ZNF174: variants seen among roughly 807,000 people sequenced by gnomAD.
ZNF174 encodes AW-1.
Under a neutral mutation model 38.7 loss-of-function variants are expected in ZNF174, and 30 were observed. That is an observed-to-expected ratio of 0.78 (90% CI 0.58 to 1.05). The LOEUF is 1.05. ZNF174 is among the 50% of genes least tolerant of loss of function. The pLI, the probability that ZNF174 is intolerant of heterozygous loss-of-function variation, is 0.00. For synonymous variants in ZNF174, 201 were observed against 181.7 expected (o/e 1.11, Z -0.86); for missense variants, 499 against 495.6 (o/e 1.01, Z -0.06).
intron 1 of ZNF174, among the ~76,000 whole-genome samples, chr16:3,403,434 G>A (rs1420055988): frequency 2.0e-5 from 3 of 151,138 alleles, no homozygotes; most frequent in African/African-American, 7.3e-5. Context: ...GCCTCTCAAA[G>A]TGCTGGGATT....
At chr16:3,403,164 T>TA (rs2033988482) in intron 1 of ZNF174, among the ~76,000 whole-genome samples, 1 of 104,996 alleles carries the variant, frequency 9.5e-6, no homozygotes, top group Admixed American at 9.7e-5. Flanking sequence ...TTTTTTTTTT[T>TA]TTTTTTTTTT....
In ZNF174 at chr16:3,401,908, T is replaced by A. The variant is rs575529920; in HGVS notation, c.-97T>A. 119 of 1,460,492 alleles carry A rather than the reference T, an allele frequency of 8.1e-5. No individual in the cohort carries two copies. In the South Asian group the frequency reaches 1.3e-3, roughly 16 times the overall value. 90.5% of individuals were successfully genotyped at this position (1,460,492 alleles called of 1,614,324 possible). On this transcript the variant is annotated 5_prime_UTR_variant, in exon 1 of 3. Coordinates refer to ENST00000268655, the MANE Select transcript of ZNF174 (RefSeq NM_003450.3). ...CCCTAACATCCTCAGAGAACCTTCG[T>A]TTCTAGAATCTTTCTAGTATTCAGA...
chr16:3,402,820 TG>T (rs879841286), intron 1 of ZNF174, among the ~76,000 whole-genome samples: 2 of 152,148 alleles, frequency 1.3e-5, no homozygotes, highest in Admixed American at 1.3e-4. Context: ...GTCTCAGAAG[TG>T]GACTGGATGG....
At chr16:3,402,944 C>A (rs868172219) in intron 1 of ZNF174, among the ~76,000 whole-genome samples, 1 of 152,088 alleles carries the variant, frequency 6.6e-6, no homozygotes, top group Admixed American at 6.5e-5. Context: ...AAGGTTCTTA[C>A]CATTCCTTTA....
At chr16:3,403,851 C>G (rs2150923317) in intron 1 of ZNF174, among the ~76,000 whole-genome samples, 1 of 152,314 alleles carries the variant, frequency 6.6e-6, no homozygotes, top group South Asian at 2.1e-4. Flanking sequence ...TTGCTTGCCA[C>G]TCCCCGCCCC....
At chr16:3,404,869 G>T (rs2034030762) in intron 2 of ZNF174, 2 of 1,605,942 alleles carry the variant, frequency 1.2e-6, no homozygotes, top group Admixed American at 3.5e-5. Flanking sequence ...TAAGAATCCA[G>T]TGCATGACAG....
chr16:3,409,210 T>G lies in ZNF174; in HGVS notation c.*291T>G. ...GAGAGAATCAGGACAATCCTGCAGGTGGCCCGCTTACTGTTAAATCGTCCC... is the reference window on the plus strand; with the variant it reads ...GAGAGAATCAGGACAATCCTGCAGGGGGCCCGCTTACTGTTAAATCGTCCC... On this transcript the variant is annotated 3_prime_UTR_variant, in exon 3 of 3. Coordinates refer to ENST00000268655, the MANE Select transcript of ZNF174 (RefSeq NM_003450.3). 2.7e-6 allele frequency: 1 copy of G among 370,222 alleles called. No individual in the cohort carries two copies. 22.9% of individuals were successfully genotyped at this position (370,222 alleles called of 1,614,324 possible).
Position 3,402,199 on chromosome 16 carries a change from C to A in ZNF174, c.195C>A (p.Ser65=). 1.2e-6 allele frequency: 2 copies of A among 1,612,882 alleles called. No homozygotes were observed. The highest frequency in any genetic ancestry group is 8.5e-7 in the Non-Finnish European group (1 of 1,178,962). ...TGTCTGGACCCCAAGAGGCTCTCTCCCAGCTCCGACAGCTCTGCCGTCAGT... is the reference window on the plus strand; with the variant it reads ...TGTCTGGACCCCAAGAGGCTCTCTCACAGCTCCGACAGCTCTGCCGTCAGT... The part of the protein sequence containing the change: ...QEVSGPQEAL[S]QLRQLCRQWL... The change falls in exon 1 of 3, where the codon TCC becomes TCA. Residue 65 remains serine, a synonymous_variant. Transcript: ENST00000268655.
At chr16:3,404,807 G>A (rs566100188) in intron 2 of ZNF174, 159 bp downstream of exon 2, 960 of 1,548,540 alleles carry the variant, frequency 6.2e-4, no homozygotes, top group Non-Finnish European at 8.1e-4. Context: ...AATTAGGATG[G>A]TGGTGATACT....
intron 1 of ZNF174, among the ~76,000 whole-genome samples, chr16:3,402,820 T>C (rs1417105318): frequency 6.6e-6 from 1 of 152,148 alleles, no homozygotes; most frequent in African/African-American, 2.4e-5. Context: ...GTCTCAGAAG[T>C]GGACTGGATG....
rs1484454142 is a variant in ZNF174, at chr16:3,408,700, C to T, written c.1005C>T (p.Phe335=). Residue 335 remains phenylalanine (F), a synonymous_variant, in exon 3 of 3, where the codon TTC becomes TTT. Coordinates refer to ENST00000268655, the MANE Select transcript of ZNF174 (RefSeq NM_003450.3). The part of the protein sequence containing the change: ...PYKCDDCGKS[F]TWNSELKRHK... The stretch of plus-strand genomic sequence containing the variant: ...AATGTGATGACTGTGGGAAAAGCTT[C>T]ACGTGGAATTCAGAGCTGAAGAGAC... 6.2e-7 allele frequency: 1 copy of T among 1,614,120 alleles called. No individual in the cohort carries two copies. Among genetic ancestry groups the T allele is most frequent in the Non-Finnish European group, 8.5e-7 (1 of 1,180,022 alleles).
chr16:3,403,241 C>A (rs1306686495), intron 1 of ZNF174, among the ~76,000 whole-genome samples: 2 of 128,798 alleles, frequency 1.6e-5, no homozygotes. Context: ...GCCATTTCAG[C>A]CCACTGCAAC....
chr16:3,408,316 T>C lies in ZNF174; in HGVS notation c.626-5T>C. ...GAAAATGAAGCATTTTCTTTCTAATTATAGAGGCCCCCAGAATGAGAAGTG... is the reference window on the plus strand; with the variant it reads ...GAAAATGAAGCATTTTCTTTCTAATCATAGAGGCCCCCAGAATGAGAAGTG... On this transcript the variant is annotated splice_polypyrimidine_tract_variant and splice_region_variant and intron_variant, in intron 2 of 2. Coordinates refer to ENST00000268655, the MANE Select transcript of ZNF174 (RefSeq NM_003450.3). 1 of 1,563,070 alleles carries C rather than the reference T, an allele frequency of 6.4e-7. No individual in the cohort carries two copies.
intron 2 of ZNF174, among the ~76,000 whole-genome samples, chr16:3,407,878 A>C (rs1450751803): frequency 1.3e-5 from 2 of 152,180 alleles, no homozygotes; most frequent in African/African-American, 4.8e-5. Context: ...TTACTAAGTG[A>C]GGGGTATTTG....
Position 3,401,924 on chromosome 16 carries a change from A to G in ZNF174, c.-81A>G. ...GAACCTTCGTTTCTAGAATCTTTCTAGTATTCAGAGACTTCTCCAGGGTCA... is the reference window on the plus strand; with the variant it reads ...GAACCTTCGTTTCTAGAATCTTTCTGGTATTCAGAGACTTCTCCAGGGTCA... On this transcript the variant is annotated 5_prime_UTR_variant, in exon 1 of 3. Coordinates refer to ENST00000268655, the MANE Select transcript of ZNF174 (RefSeq NM_003450.3). 6.6e-7 allele frequency: 1 copy of G among 1,508,352 alleles called. No homozygotes were observed. Among genetic ancestry groups the G allele is most frequent in the Non-Finnish European group, 9.0e-7 (1 of 1,117,312 alleles). The allele number at this position is 1,508,352 out of a possible 1,614,324, so 93.4% of individuals were successfully genotyped here. A position where few individuals can be genotyped will look rare whatever the true frequency, so the allele number is the denominator to read the frequency against.
chr16:3,406,995 G>C (rs1241409336), intron 2 of ZNF174, among the ~76,000 whole-genome samples: 1 of 152,160 alleles, frequency 6.6e-6, no homozygotes, highest in African/African-American at 2.4e-5. Flanking sequence ...CTGTCAATCT[G>C]ATCAGGGGTC....
chr16:3,404,956 C>A, intron 2 of ZNF174: 1 of 1,614,166 alleles, frequency 6.2e-7, no homozygotes, highest in Non-Finnish European at 8.5e-7. Context: ...AGATGAACTT[C>A]CATGCAAGCT....
Position 3,404,546 on chromosome 16 carries a change from C to G in ZNF174, c.523C>G (p.Pro175Ala), listed in dbSNP as rs2034023217. Residue 175 changes from proline to alanine, a missense_variant, in exon 2 of 3, where the codon CCA (proline) becomes GCA (alanine). Pro to Ala is a conservative substitution (Grantham distance 27). Transcript: ENST00000268655. ...TAGGAGAGATCTCAGGGAGAGCTCTCCAGCAGAGCCTTCCCAGGCAGGAGC... is the reference window on the plus strand; with the variant it reads ...TAGGAGAGATCTCAGGGAGAGCTCTGCAGCAGAGCCTTCCCAGGCAGGAGC... ...TPRRDLRESS[P>A]AEPSQAGAYD... is the part of the protein sequence containing the mutation. The G allele has an allele frequency of 1.2e-6, 2 of 1,614,196 alleles. No individual in the cohort carries two copies. The highest frequency in any genetic ancestry group is 1.7e-6 in the Non-Finnish European group (2 of 1,180,028).
rs1246797597 is a variant in ZNF174 at position 3,408,884 on chromosome 16, C to T, written c.1189C>T (p.Leu397Phe). Residue 397 changes from leucine (L) to phenylalanine (F), a missense_variant, in exon 3 of 3, where the codon CTT (leucine) becomes TTT (phenylalanine). Coordinates refer to ENST00000268655, the MANE Select transcript of ZNF174 (RefSeq NM_003450.3). The stretch of plus-strand genomic sequence containing the variant: ...GAAAAGCTTTCGCCAGAGCTCAAAC[C>T]TTCACCAGCATCACCGACTTCACCA... ...CGKSFRQSSNLHQHHRLHHGD is the reference protein window; with the variant it reads ...CGKSFRQSSNFHQHHRLHHGD 4 of 1,612,522 alleles carry T rather than the reference C, an allele frequency of 2.5e-6. No homozygotes were observed. The highest frequency in any genetic ancestry group is 4.5e-5 in the East Asian group (2 of 44,868).
Sources: gnomAD v4.1 joint callset for allele counts (sites outside exome capture counted in the v4.1 genomes callset) on GRCh38, gnomAD v4.1.1 for gene constraint, MANE v1.5 for transcripts, NCBI Gene and HGNC (gene_info 2026-07-23, HGNC 2026-07-21) for gene names.